ESRRG: variants seen among roughly 807,000 people sequenced by gnomAD.
The protein encoded by ESRRG is estrogen related receptor gamma.
Under a neutral mutation model 44.0 loss-of-function variants are expected in ESRRG, and 13 were observed. That is an observed-to-expected ratio of 0.30 (90% CI 0.19 to 0.47). The LOEUF (loss-of-function observed/expected upper bound fraction) is 0.47. ESRRG is among the 20% of genes least tolerant of loss of function. ESRRG has a pLI of 1.00. For synonymous variants in ESRRG, 215 were observed against 214.6 expected (o/e 1.00, Z -0.02); for missense variants, 395 against 580.6 (o/e 0.68, Z 3.29).
chr1:216,802,139 C>T (rs917265057), intron 2 of ESRRG, among the ~76,000 whole-genome samples: 2 of 152,186 alleles, frequency 1.3e-5, no homozygotes, highest in Admixed American at 1.3e-4. Flanking sequence ...ACTGCAGAAG[C>T]ATCAAACTAG....
chr1:217,003,601 T>C (rs2077353527), intron 1 of ESRRG, among the ~76,000 whole-genome samples: 1 of 149,630 alleles, frequency 6.7e-6, no homozygotes, highest in South Asian at 2.1e-4. Context: ...TAATTAATAT[T>C]AATATTAATA....
intron 2 of ESRRG, among the ~76,000 whole-genome samples, chr1:216,884,569 T>A (rs77832534): frequency 6.6e-6 from 1 of 152,288 alleles, no homozygotes; most frequent in East Asian, 1.9e-4. Flanking sequence ...CTTCAAAACT[T>A]CTCATTAGCT....
chr1:217,040,828 G>A (rs982244154), intron 1 of ESRRG, among the ~76,000 whole-genome samples: 3 of 152,094 alleles, frequency 2.0e-5, no homozygotes, highest in African/African-American at 7.2e-5. Flanking sequence ...TAGCTGCACA[G>A]TGGACCTCAG....
At chr1:217,130,135 T>G (rs1178144695) in intron 1 of ESRRG, among the ~76,000 whole-genome samples, 1 of 152,232 alleles carries the variant, frequency 6.6e-6, no homozygotes, top group Non-Finnish European at 1.5e-5. Flanking sequence ...CAAGTTGTCC[T>G]TATTCCCTTT....
At chr1:217,108,882 T>C (rs1274669404) in intron 1 of ESRRG, among the ~76,000 whole-genome samples, 1 of 152,144 alleles carries the variant, frequency 6.6e-6, no homozygotes, top group Non-Finnish European at 1.5e-5. Flanking sequence ...ACACAGGATA[T>C]GTTCTGCTCA....
intron 1 of ESRRG, among the ~76,000 whole-genome samples, chr1:216,965,576 T>G (rs1308140556): frequency 6.6e-6 from 1 of 152,092 alleles, no homozygotes; most frequent in Non-Finnish European, 1.5e-5. Flanking sequence ...TTCTAGGAAT[T>G]CCCTACTCAA....
At chr1:216,594,448 C>T (rs1213252833) in intron 3 of ESRRG, among the ~76,000 whole-genome samples, 2 of 151,952 alleles carry the variant, frequency 1.3e-5, no homozygotes, top group African/African-American at 4.8e-5. Flanking sequence ...TGCCATCAGC[C>T]CTATTGCATG....
intron 5 of ESRRG, among the ~76,000 whole-genome samples, chr1:216,532,995 G>T (rs766442197): frequency 6.6e-6 from 1 of 151,918 alleles, no homozygotes; most frequent in South Asian, 2.1e-4. Flanking sequence ...TGAAAGCTCG[G>T]GATACAGCTT....
intron 1 of ESRRG, among the ~76,000 whole-genome samples, chr1:216,951,321 A>T (rs889706049): frequency 3.3e-5 from 5 of 152,218 alleles, no homozygotes; most frequent in Non-Finnish European, 1.5e-5. Context: ...GAACATAAAC[A>T]CAAATGCAGT....
At chr1:216,914,938 T>C (rs1405251926) in intron 2 of ESRRG, among the ~76,000 whole-genome samples, 1 of 152,190 alleles carries the variant, frequency 6.6e-6, no homozygotes, top group East Asian at 1.9e-4. Context: ...ACAGGAGGGA[T>C]TTGTTTTTAA....
chr1:216,904,923 G>A (rs2059519921), intron 2 of ESRRG, among the ~76,000 whole-genome samples: 1 of 152,100 alleles, frequency 6.6e-6, no homozygotes, highest in Non-Finnish European at 1.5e-5. Context: ...CACCCAAAAT[G>A]AGATTAAGGG....
intron 1 of ESRRG, among the ~76,000 whole-genome samples, chr1:217,114,668 T>C (rs746578248): frequency 1.4e-3 from 39 of 27,418 alleles, no homozygotes; most frequent in African/African-American, 3.6e-3. Flanking sequence ...AAAAGATTTC[T>C]TTTTTTTTTT....
intron 1 of ESRRG, among the ~76,000 whole-genome samples, chr1:217,136,375 C>T (rs567254278): frequency 3.9e-5 from 6 of 152,334 alleles, no homozygotes; most frequent in Admixed American, 6.5e-5. Context: ...GTGCAGATTT[C>T]CTTTCCCAGA....
chr1:217,035,660 A>G (rs1409907213), intron 1 of ESRRG, among the ~76,000 whole-genome samples: 1 of 149,864 alleles, frequency 6.7e-6, no homozygotes, highest in Non-Finnish European at 1.5e-5. Flanking sequence ...TTAATAAAGT[A>G]AAAACTCTAG....
intron 1 of ESRRG, among the ~76,000 whole-genome samples, chr1:217,048,469 G>T (rs2085300245): frequency 6.6e-6 from 1 of 152,264 alleles, no homozygotes; most frequent in South Asian, 2.1e-4. Flanking sequence ...GCAAATGGAG[G>T]CAGGGCTGCA....
intron 3 of ESRRG, among the ~76,000 whole-genome samples, chr1:216,620,742 A>C (rs2062093984): frequency 6.6e-6 from 1 of 152,180 alleles, no homozygotes; most frequent in African/African-American, 2.4e-5. Context: ...AAGTATTTAG[A>C]AGAAGGTGCA....
intron 1 of ESRRG, among the ~76,000 whole-genome samples, chr1:216,706,265 G>T (rs950322685): frequency 6.6e-6 from 1 of 151,946 alleles, no homozygotes; most frequent in East Asian, 1.9e-4. Context: ...TGGCGGGGGT[G>T]GGGGGCTGGA....
chr1:216,759,109 C>T (rs909360744), intron 2 of ESRRG, among the ~76,000 whole-genome samples: 1 of 152,088 alleles, frequency 6.6e-6, no homozygotes, highest in African/African-American at 2.4e-5. Flanking sequence ...ATTTGAAAAT[C>T]CATGTCTATA....
At chr1:216,809,147 A>C (rs1303107057) in intron 2 of ESRRG, among the ~76,000 whole-genome samples, 2 of 152,108 alleles carry the variant, frequency 1.3e-5, no homozygotes, top group South Asian at 2.1e-4. Context: ...CTTTTTGCCA[A>C]TGTTAGTGAT....
Sources: gnomAD v4.1 joint callset for allele counts (sites outside exome capture counted in the v4.1 genomes callset) on GRCh38, gnomAD v4.1.1 for gene constraint, MANE v1.5 for transcripts, NCBI Gene and HGNC (gene_info 2026-07-23, HGNC 2026-07-21) for gene names.